ABL2: variants seen among roughly 807,000 people sequenced by gnomAD.
The protein encoded by ABL2 is tyrosine-protein kinase ABL2.
In ABL2, 49 loss-of-function variants were observed where a neutral mutation model predicts 107.7. The observed-to-expected ratio is 0.45, with a 90% CI of 0.36 to 0.58. The LOEUF (loss-of-function observed/expected upper bound fraction) is 0.58, where lower values mean the gene tolerates loss of function less well. ABL2 is among the 20% of genes least tolerant of loss of function. The pLI is 0.00. For synonymous variants in ABL2, 549 were observed against 548.6 expected (o/e 1.00, Z -0.01); for missense variants, 1,245 against 1,457.0 (o/e 0.85, Z 2.37).
At chr1:179,197,904 T>C (rs1003522573) in intron 1 of ABL2, among the ~76,000 whole-genome samples, 1 of 149,244 alleles carries the variant, frequency 6.7e-6, no homozygotes, top group African/African-American at 2.5e-5. Context: ...CTGGGCACAG[T>C]GGCTCACACC....
chr1:179,139,163 G>C (rs111791630), intron 1 of ABL2, among the ~76,000 whole-genome samples: 574 of 152,228 alleles, frequency 3.8e-3, no homozygotes, highest in Non-Finnish European at 4.8e-3. Flanking sequence ...TTCGCTCTTT[G>C]CAATAAATCT....
intron 1 of ABL2, among the ~76,000 whole-genome samples, chr1:179,191,767 A>C (rs1252726217): frequency 1.3e-5 from 2 of 152,162 alleles, no homozygotes; most frequent in Non-Finnish European, 2.9e-5. Context: ...TCATTTAAAT[A>C]ATCAACACTC....
rs774419128 is a variant in ABL2 at position 179,118,779 on chromosome 1, A to G, written c.1046-15T>C. 6.2e-7 allele frequency: 1 copy of G among 1,611,924 alleles called. No homozygotes were observed. Among genetic ancestry groups the G allele is most frequent in the Non-Finnish European group, 8.5e-7 (1 of 1,178,698 alleles). On this transcript the variant is annotated splice_polypyrimidine_tract_variant and intron_variant, in intron 6 of 11. Transcript: ENST00000502732. Reference sequence around the variant, plus strand: ...AGTACACACACCTAAAAGTTGAACAATAGTGCTTGTTTTTATTAGTGTACA... The same window carrying G: ...AGTACACACACCTAAAAGTTGAACAGTAGTGCTTGTTTTTATTAGTGTACA...
intron 6 of ABL2, 29 bp downstream of exon 6, chr1:179,120,161 A>C: frequency 6.8e-7 from 1 of 1,478,354 alleles, no homozygotes; most frequent in Non-Finnish European, 9.2e-7. Context: ...TTTTTGGAGG[A>C]AATCTATGGT....
chr1:179,202,683 T>G (rs1231181923), intron 1 of ABL2, among the ~76,000 whole-genome samples: 1 of 152,214 alleles, frequency 6.6e-6, no homozygotes, highest in Non-Finnish European at 1.5e-5. Flanking sequence ...ATCACTTCTG[T>G]TAACATATGT....
At chr1:179,146,843 A>G (rs923096476) in intron 1 of ABL2, among the ~76,000 whole-genome samples, 1 of 152,224 alleles carries the variant, frequency 6.6e-6, no homozygotes, top group African/African-American at 2.4e-5. Flanking sequence ...TGTCTCTGAC[A>G]TAAAAATTAT....
chr1:179,224,451 T>A (rs1156479053), intron 1 of ABL2, among the ~76,000 whole-genome samples: 1 of 151,908 alleles, frequency 6.6e-6, no homozygotes, highest in Non-Finnish European at 1.5e-5. Flanking sequence ...ATTTTTTTAG[T>A]AGAGACAGGG....
In ABL2 at chr1:179,139,730, G is replaced by A. The variant is rs564091234; in HGVS notation, c.158-6356C>T. On this transcript the variant is annotated intron_variant, in intron 1 of 11. Coordinates refer to ENST00000502732, the MANE Select transcript of ABL2 (RefSeq NM_007314.4). Reference sequence around the variant, plus strand: ...GGCCACACAGCAGCAGGTGAGCAGCGGGCCAGCGAGCATTACCGCTTGAGC... The same window carrying A: ...GGCCACACAGCAGCAGGTGAGCAGCAGGCCAGCGAGCATTACCGCTTGAGC... 8.7e-4 allele frequency among the ~76,000 whole-genome samples: 133 copies of A among 152,252 alleles called. No individual in the cohort carries two copies. In the South Asian group the frequency reaches 9.1e-3, roughly 10 times the overall value.
intron 1 of ABL2, among the ~76,000 whole-genome samples, chr1:179,145,081 T>C (rs1316634528): frequency 2.0e-5 from 3 of 152,178 alleles, no homozygotes; most frequent in Admixed American, 1.3e-4. Context: ...ATAAAAAGAA[T>C]GAAATGTTGA....
chr1:179,116,667 C>T (rs1654662114), intron 8 of ABL2, among the ~76,000 whole-genome samples: 1 of 151,558 alleles, frequency 6.6e-6, no homozygotes, highest in Non-Finnish European at 1.5e-5. Context: ...TGCATCACCA[C>T]ACCCAGCTAA....
chr1:179,214,609 AAATT>A (rs1448023283), intron 1 of ABL2, among the ~76,000 whole-genome samples: 2 of 149,476 alleles, frequency 1.3e-5, no homozygotes, highest in African/African-American at 4.9e-5. Flanking sequence ...GACTATTCAC[AAATT>A]AATACAATGG....
chr1:179,177,622 C>G (rs952850030), intron 1 of ABL2, among the ~76,000 whole-genome samples: 2 of 151,994 alleles, frequency 1.3e-5, no homozygotes, highest in Admixed American at 6.6e-5. Flanking sequence ...AAACAGTTAC[C>G]TCTTTTGTAA....
chr1:179,177,564 T>C (rs1013480522), intron 1 of ABL2, among the ~76,000 whole-genome samples: 3 of 152,172 alleles, frequency 2.0e-5, no homozygotes, highest in Admixed American at 2.0e-4. Flanking sequence ...TAACCACAAT[T>C]AATTCATTTA....
Position 179,229,369 on chromosome 1 carries a change from T to C in ABL2, c.29A>G (p.Glu10Gly). The change falls in exon 1 of 12, where the codon GAA becomes GGA. Residue 10 changes from glutamate (E) to glycine (G), a missense_variant. Coordinates refer to ENST00000502732, the MANE Select transcript of ABL2 (RefSeq NM_007314.4). ...CTGAGGCTGCTGGAGCCCCGGAGCTTCCCCGACGCGGCCCACCTGCTGCCC... is the reference window on the plus strand; with the variant it reads ...CTGAGGCTGCTGGAGCCCCGGAGCTCCCCCGACGCGGCCCACCTGCTGCCC... Reference protein sequence around the residue: MGQQVGRVGEAPGLQQPQPR... With the variant: MGQQVGRVGGAPGLQQPQPR... 6.4e-7 allele frequency: 1 copy of C among 1,566,840 alleles called. No individual in the cohort carries two copies. The highest frequency in any genetic ancestry group is 8.6e-7 in the Non-Finnish European group (1 of 1,162,072).
intron 1 of ABL2, among the ~76,000 whole-genome samples, chr1:179,140,666 G>A (rs1010326749): frequency 5.3e-5 from 8 of 152,166 alleles, no homozygotes; most frequent in African/African-American, 1.7e-4. Context: ...AGGATGCTAT[G>A]AGAGGAAAGA....
intron 1 of ABL2, among the ~76,000 whole-genome samples, chr1:179,151,951 T>C (rs1658386532): frequency 6.6e-6 from 1 of 152,114 alleles, no homozygotes; most frequent in Admixed American, 6.6e-5. Flanking sequence ...GTAGGAGCCT[T>C]TTCTGATTAT....
chr1:179,165,419 C>T (rs115184553), intron 1 of ABL2, among the ~76,000 whole-genome samples: 1,764 of 151,744 alleles, frequency 0.012, 36 homozygotes, highest in Non-Finnish European at 0.012. Context: ...CTCCATAATA[C>T]GTTTTGGAAA....
chr1:179,124,539 G>A (rs1398523278), intron 4 of ABL2, among the ~76,000 whole-genome samples: 1 of 128,566 alleles, frequency 7.8e-6, no homozygotes, highest in African/African-American at 3.1e-5. Flanking sequence ...CACGATCTTG[G>A]CTCACTACAA....
At position 179,100,380 on chromosome 1, in the gene ABL2, A is replaced by G. The variant is rs1296857241; in HGVS notation, c.*7338T>C. The G allele has an allele frequency of 4.4e-6, 1 of 227,310 alleles. No individual in the cohort carries two copies. The highest frequency in any genetic ancestry group is 8.7e-6 in the Non-Finnish European group (1 of 114,422). 14.1% of individuals were successfully genotyped at this position (227,310 alleles called of 1,614,324 possible). A position where few individuals can be genotyped will look rare whatever the true frequency, so the allele number is the denominator to read the frequency against. ...TCTGAGGTTTACTGTTGATGACACT[A>G]AAGCGTTCCCAGTCCTGCAAAACCT... On this transcript the variant is annotated 3_prime_UTR_variant, in exon 12 of 12. Coordinates refer to ENST00000502732, the MANE Select transcript of ABL2 (RefSeq NM_007314.4).
Sources: gnomAD v4.1 joint callset for allele counts (sites outside exome capture counted in the v4.1 genomes callset) on GRCh38, gnomAD v4.1.1 for gene constraint, MANE v1.5 for transcripts, NCBI Gene and HGNC (gene_info 2026-07-23, HGNC 2026-07-21) for gene names.